Variants in ZMAT4 observed in about 807,000 individuals in gnomAD.
ZMAT4 encodes the protein zinc finger matrin-type protein 4.
In ZMAT4, 17 loss-of-function variants were observed where a neutral mutation model predicts 28.7. The observed-to-expected ratio is 0.59, with a 90% CI of 0.41 to 0.89. The LOEUF (loss-of-function observed/expected upper bound fraction) is 0.89. Among genes scored for constraint, ZMAT4 ranks in the 40% least tolerant of loss-of-function variants. The pLI is 0.00. For synonymous variants in ZMAT4, 117 were observed against 109.2 expected (o/e 1.07, Z -0.44); for missense variants, 240 against 283.8 (o/e 0.85, Z 1.11).
intron 3 of ZMAT4, among the ~76,000 whole-genome samples, chr8:40,703,621 G>T (rs1424023886): frequency 6.6e-6 from 1 of 152,160 alleles, no homozygotes; most frequent in Non-Finnish European, 1.5e-5. Flanking sequence ...GAAATGAGGA[G>T]TGATTGCTAA....
intron 2 of ZMAT4, among the ~76,000 whole-genome samples, chr8:40,806,034 A>C (rs1815072240): frequency 6.6e-6 from 1 of 152,232 alleles, no homozygotes; most frequent in African/African-American, 2.4e-5. Flanking sequence ...TTCTAGAAAA[A>C]ATATATCTTA....
chr8:40,721,124 C>T (rs1362922595), intron 3 of ZMAT4, among the ~76,000 whole-genome samples: 1 of 116,802 alleles, frequency 8.6e-6, no homozygotes, highest in African/African-American at 3.3e-5. Context: ...GCTATCCCTC[C>T]CCCCTCCCCC....
chr8:40,887,732 G>C (rs1818513654), intron 1 of ZMAT4, among the ~76,000 whole-genome samples: 1 of 152,080 alleles, frequency 6.6e-6, no homozygotes, highest in Non-Finnish European at 1.5e-5. Flanking sequence ...GAACAGGTAT[G>C]AGACCCCTCA....
At chr8:40,760,831 A>G (rs1474669690) in intron 3 of ZMAT4, among the ~76,000 whole-genome samples, 1 of 152,008 alleles carries the variant, frequency 6.6e-6, no homozygotes, top group South Asian at 2.1e-4. Flanking sequence ...GCACAGAGCT[A>G]CAGCAGATTT....
chr8:40,773,378 GC>G (rs1487549170), intron 2 of ZMAT4, among the ~76,000 whole-genome samples: 1 of 152,166 alleles, frequency 6.6e-6, no homozygotes, highest in Non-Finnish European at 1.5e-5. Context: ...GAGTCCTAGT[GC>G]TAAAATCAAA....
At chr8:40,867,323 A>AC (rs1817708986) in intron 1 of ZMAT4, among the ~76,000 whole-genome samples, 2 of 143,266 alleles carry the variant, frequency 1.4e-5, no homozygotes, top group African/African-American at 5.2e-5. Context: ...ATTCTAAGCC[A>AC]TCTGGGCCAC....
At chr8:40,625,230 G>A (rs1403720335) in intron 5 of ZMAT4, among the ~76,000 whole-genome samples, 8 of 151,972 alleles carry the variant, frequency 5.3e-5, no homozygotes, top group South Asian at 4.2e-4. Flanking sequence ...GAGGAAGAAC[G>A]GAGGGAAGGC....
At chr8:40,707,227 C>A (rs1479193471) in intron 3 of ZMAT4, among the ~76,000 whole-genome samples, 3 of 136,904 alleles carry the variant, frequency 2.2e-5, no homozygotes, top group Non-Finnish European at 4.8e-5. Context: ...CCCCCACCCC[C>A]CCACCCCCAT....
At chr8:40,665,834 G>C (rs1256513560) in intron 5 of ZMAT4, among the ~76,000 whole-genome samples, 4 of 151,732 alleles carry the variant, frequency 2.6e-5, no homozygotes, top group African/African-American at 9.7e-5. Flanking sequence ...CACGTCTCTG[G>C]GCCTCAGAAT....
chr8:40,577,020 C>G (rs1804289978), intron 6 of ZMAT4, among the ~76,000 whole-genome samples: 2 of 151,976 alleles, frequency 1.3e-5, no homozygotes, highest in Middle Eastern at 3.2e-3. Flanking sequence ...ATGGTGAAAC[C>G]CTGTATCTAC....
intron 5 of ZMAT4, among the ~76,000 whole-genome samples, chr8:40,644,795 A>T (rs1807225863): frequency 6.6e-6 from 1 of 152,198 alleles, no homozygotes. Context: ...AAATCATGGT[A>T]ATAGTATGCA....
chr8:40,582,649 G>A (rs375337524), intron 5 of ZMAT4, among the ~76,000 whole-genome samples: 2 of 152,170 alleles, frequency 1.3e-5, no homozygotes, highest in East Asian at 1.9e-4. Flanking sequence ...TTCCTGAAAA[G>A]AAAATAATGC....
chr8:40,874,119 C>T (rs187881853), intron 1 of ZMAT4, among the ~76,000 whole-genome samples: 2 of 152,336 alleles, frequency 1.3e-5, no homozygotes, highest in East Asian at 3.9e-4. Context: ...CCGCCCCAGA[C>T]ACTACTCCCT....
chr8:40,829,110 C>A (rs1033057446), intron 1 of ZMAT4, among the ~76,000 whole-genome samples: 8 of 152,302 alleles, frequency 5.3e-5, no homozygotes, highest in South Asian at 4.1e-4. Context: ...TGACCTCCCC[C>A]TGGAAACATT....
chr8:40,881,043 T>G (rs1818203623), intron 1 of ZMAT4, among the ~76,000 whole-genome samples: 1 of 152,124 alleles, frequency 6.6e-6, no homozygotes, highest in Admixed American at 6.5e-5. Context: ...TTGAGACTAC[T>G]TAGAATGTTC....
chr8:40,644,391 G>GA (rs1171639287), intron 5 of ZMAT4, among the ~76,000 whole-genome samples: 2 of 151,972 alleles, frequency 1.3e-5, no homozygotes, highest in South Asian at 2.1e-4. Flanking sequence ...AGGAAGTACA[G>GA]AAAAAACCAC....
At position 40,889,641 on chromosome 8, in the gene ZMAT4, T is replaced by C. The variant is rs143722075; in HGVS notation, c.-5+8042A>G. On this transcript the variant is annotated intron_variant, in intron 1 of 6. Coordinates refer to ENST00000297737, the MANE Select transcript of ZMAT4 (RefSeq NM_024645.3). ...AATTGCAATTATACTCTATTTACTT[T>C]TAAGTCTTTACTTGCTTAATATATA... 2.8e-4 allele frequency among the ~76,000 whole-genome samples: 42 copies of C among 152,348 alleles called. No individual in the cohort carries two copies. The East Asian group carries it at 7.3e-3, about 27-fold the overall frequency.
chr8:40,774,974 T>C (rs1813531490), intron 2 of ZMAT4, among the ~76,000 whole-genome samples: 1 of 152,182 alleles, frequency 6.6e-6, no homozygotes, highest in Non-Finnish European at 1.5e-5. Context: ...TAGTCCTACC[T>C]TAAGATGAGG....
chr8:40,776,700 C>A (rs1337174485), intron 2 of ZMAT4, among the ~76,000 whole-genome samples: 2 of 152,128 alleles, frequency 1.3e-5, no homozygotes, highest in African/African-American at 2.4e-5. Flanking sequence ...CCAATGTGAT[C>A]AGTATTAAAG....
Sources: allele counts gnomAD v4.1 joint callset (sites outside exome capture counted in the v4.1 genomes callset), GRCh38; gene constraint gnomAD v4.1.1; transcripts MANE v1.5; gene names NCBI Gene and HGNC (gene_info 2026-07-23, HGNC 2026-07-21).